NEK5: variants seen among roughly 807,000 people sequenced by gnomAD.
NEK5 encodes serine/threonine-protein kinase Nek5.
Under a neutral mutation model 109.2 loss-of-function variants are expected in NEK5, and 88 were observed. The observed-to-expected ratio is 0.81, with a 90% CI of 0.68 to 0.96. The LOEUF is 0.96. Ranked by LOEUF, NEK5 falls within the 40% of genes least tolerant of loss-of-function variation. NEK5 has a pLI of 0.00. For synonymous variants in NEK5, 283 were observed against 299.9 expected (o/e 0.94, Z 0.58); for missense variants, 834 against 920.7 (o/e 0.91, Z 1.22).
Position 52,127,437 on chromosome 13 carries a change from C to T in NEK5, c.46G>A (p.Gly16Arg), listed in dbSNP as rs756200901. Residue 16 changes from glycine (G) to arginine (R), a missense_variant, in exon 3 of 24, where the codon GGG becomes AGG. Coordinates refer to ENST00000684899, the MANE Select transcript of NEK5 (RefSeq NM_001365552.1). ...VIKAIGQGAF[G>R]KAYLAKGKSD... is the part of the protein sequence containing the mutation. The stretch of plus-strand genomic sequence containing the variant: ...TTCCCTTTAGCTAAGTATGCTTTCC[C>T]GAAGGCACCTTGCCCGATGGCCTTA... The T allele has an allele frequency of 5.0e-6, 8 of 1,612,896 alleles. No homozygotes were observed. Among genetic ancestry groups the T allele is most frequent in the Non-Finnish European group, 5.1e-6 (6 of 1,179,010 alleles).
At position 52,102,007 on chromosome 13, in the gene NEK5, T is replaced by C; in HGVS notation, c.818A>G (p.Gln273Arg). 6.2e-7 allele frequency: 1 copy of C among 1,614,112 alleles called. No individual in the cohort carries two copies. The highest frequency in any genetic ancestry group is 1.1e-5 in the South Asian group (1 of 91,076). The change falls in exon 11 of 24, where the codon CAG becomes CGG. Residue 273 changes from glutamine to arginine, a missense_variant. This residue lies in a region of NEK5 where 777 missense variants were observed against 824.7 expected (regional missense o/e 0.94). Coordinates refer to ENST00000684899, the MANE Select transcript of NEK5 (RefSeq NM_001365552.1). ...IPKYLTPEVI[Q>R]EEFSHMLICR... is the part of the protein sequence containing the mutation. ...TATAAGCATGTGACTGAATTCTTCC[T>C]GAATGACCTAAAACCGAACACACGT... is the stretch of plus-strand genomic sequence containing the variant.
chr13:52,075,429 G>A (rs781074988), intron 19 of NEK5, among the ~76,000 whole-genome samples: 5 of 152,158 alleles, frequency 3.3e-5, no homozygotes, highest in Admixed American at 6.5e-5. Context: ...ATAAGTGGGA[G>A]CTAAACATTG....
chr13:52,113,720 T>C (rs757749230), intron 4 of NEK5, among the ~76,000 whole-genome samples: 2 of 152,138 alleles, frequency 1.3e-5, no homozygotes, highest in African/African-American at 4.8e-5. Flanking sequence ...AGGATCCAAA[T>C]GTCTTTGTCT....
chr13:52,084,756 AGAGAGAGTGTGTGTGTGT>A (rs1181210768), intron 16 of NEK5, among the ~76,000 whole-genome samples: 20 of 52,146 alleles, frequency 3.8e-4, no homozygotes, highest in African/African-American at 7.6e-4. Flanking sequence ...AGAGAGAGAG[AGAGAGAGTGTGTGTGTGT>A]GTGTGTGTGT....
intron 14 of NEK5, among the ~76,000 whole-genome samples, chr13:52,088,792 TA>T (rs755100201): frequency 3.9e-5 from 6 of 151,906 alleles, no homozygotes; most frequent in Non-Finnish European, 7.4e-5. Flanking sequence ...ATTTAGCTAT[TA>T]AAAACTGGGG....
At chr13:52,116,328 T>C (rs1380742812) in intron 4 of NEK5, among the ~76,000 whole-genome samples, 1 of 152,200 alleles carries the variant, frequency 6.6e-6, no homozygotes, top group African/African-American at 2.4e-5. Flanking sequence ...TTTTCTTTTT[T>C]ATGTGTGCAT....
At chr13:52,099,600 GT>G (rs1955487472) in intron 12 of NEK5, 142 bp downstream of exon 12, 1 of 739,704 alleles carries the variant, frequency 1.4e-6, no homozygotes, top group South Asian at 1.9e-5. Flanking sequence ...AACCCGGGAG[GT>G]GGAGTTTGCG....
intron 12 of NEK5, among the ~76,000 whole-genome samples, chr13:52,095,706 A>G (rs1234474146): frequency 6.6e-6 from 1 of 152,228 alleles, no homozygotes; most frequent in Non-Finnish European, 1.5e-5. Flanking sequence ...TGGGCAACAC[A>G]GTGAGACCCT....
At chr13:52,106,302 C>T (rs1472502370) in intron 8 of NEK5, among the ~76,000 whole-genome samples, 1 of 152,152 alleles carries the variant, frequency 6.6e-6, no homozygotes, top group Non-Finnish European at 1.5e-5. Context: ...AGCCAAGTAT[C>T]TCTTGGGCAT....
chr13:52,093,615 T>C (rs1955344206), intron 12 of NEK5, among the ~76,000 whole-genome samples: 1 of 152,028 alleles, frequency 6.6e-6, no homozygotes, highest in Non-Finnish European at 1.5e-5. Flanking sequence ...ACAGTGACCA[T>C]AGCTAAGATA....
At chr13:52,095,219 G>GCCACT (rs1259894250) in intron 12 of NEK5, among the ~76,000 whole-genome samples, 1 of 152,176 alleles carries the variant, frequency 6.6e-6, no homozygotes, top group Non-Finnish European at 1.5e-5. Context: ...ATAGGCGTGA[G>GCCACT]CCACTGCACC....
intron 22 of NEK5, among the ~76,000 whole-genome samples, chr13:52,061,399 T>G (rs1408662624): frequency 1.3e-5 from 2 of 151,982 alleles, no homozygotes; most frequent in Admixed American, 6.6e-5. Flanking sequence ...TGCCTTAAAG[T>G]AAACAAAAGC....
At chr13:52,039,934 AGC>A (rs1954399001) in intron 23 of NEK5, among the ~76,000 whole-genome samples, 1 of 152,020 alleles carries the variant, frequency 6.6e-6, no homozygotes, top group Non-Finnish European at 1.5e-5. Flanking sequence ...AGGTCATGAG[AGC>A]ACAGCCCTCA....
At chr13:52,115,372 A>T (rs1429786343) in intron 4 of NEK5, among the ~76,000 whole-genome samples, 1 of 151,668 alleles carries the variant, frequency 6.6e-6, no homozygotes, top group Non-Finnish European at 1.5e-5. Context: ...TGGGAGGCCG[A>T]GATGAGTGGA....
At chr13:52,099,247 T>C (rs762961822) in intron 12 of NEK5, among the ~76,000 whole-genome samples, 1 of 152,090 alleles carries the variant, frequency 6.6e-6, no homozygotes, top group Non-Finnish European at 1.5e-5. Flanking sequence ...AAAAAGAATA[T>C]AACAGCTGGG....
intron 20 of NEK5, 93 bp from the exon 21 acceptor site, chr13:52,065,702 A>G: frequency 1.2e-6 from 1 of 851,128 alleles, no homozygotes; most frequent in Non-Finnish European, 1.9e-6. Flanking sequence ...GCAGTTTATC[A>G]GCAGGTATGT....
intron 8 of NEK5, among the ~76,000 whole-genome samples, chr13:52,106,849 C>T (rs1161163865): frequency 1.3e-5 from 2 of 151,890 alleles, no homozygotes; most frequent in African/African-American, 4.8e-5. Context: ...CTGGAAGACA[C>T]CTTGAAGATT....
chr13:52,038,668 T>C (rs1954387153), intron 23 of NEK5, among the ~76,000 whole-genome samples: 1 of 151,766 alleles, frequency 6.6e-6, no homozygotes, highest in African/African-American at 2.4e-5. Flanking sequence ...AACTACTGTG[T>C]TCAAACAATC....
chr13:52,117,490 C>T (rs1192683547), intron 4 of NEK5, among the ~76,000 whole-genome samples: 1 of 152,164 alleles, frequency 6.6e-6, no homozygotes, highest in Admixed American at 6.5e-5. Context: ...TCAACAAACA[C>T]AGCAGAGGTT....
Sources: allele counts gnomAD v4.1 joint callset (sites outside exome capture counted in the v4.1 genomes callset), GRCh38; gene constraint gnomAD v4.1.1; regional missense constraint gnomAD v4.1.1; transcripts MANE v1.5; gene names NCBI Gene and HGNC (gene_info 2026-07-23, HGNC 2026-07-21).